GMDS: variants seen among roughly 807,000 people sequenced by gnomAD.
The protein encoded by GMDS is GDP-mannose 4,6 dehydratase.
Under a neutral mutation model 49.9 loss-of-function variants are expected in GMDS, and 20 were observed. The observed-to-expected ratio is 0.40, with a 90% CI of 0.28 to 0.58. GMDS has a LOEUF of 0.58. GMDS is among the 20% of genes least tolerant of loss of function. The pLI, the probability that GMDS is intolerant of heterozygous loss-of-function variation, is 0.42. For synonymous variants in GMDS, 177 were observed against 178.6 expected (o/e 0.99, Z 0.07); for missense variants, 362 against 481.4 (o/e 0.75, Z 2.32).
At chr6:2,016,445 G>A (rs12212324) in intron 4 of GMDS, among the ~76,000 whole-genome samples, 107,767 of 152,000 alleles carry the variant, frequency 0.71, 38,381 homozygotes, top group African/African-American at 0.75. Context: ...AGAGCTACAA[G>A]ATATATGACT....
At chr6:2,223,931 G>T (rs1780707965) in intron 1 of GMDS, among the ~76,000 whole-genome samples, 2 of 152,134 alleles carry the variant, frequency 1.3e-5, no homozygotes, top group South Asian at 4.1e-4. Context: ...AGTCAGGAAT[G>T]GTATGTTAAG....
At chr6:1,939,875 A>C (rs1762735546) in intron 6 of GMDS, among the ~76,000 whole-genome samples, 1 of 152,220 alleles carries the variant, frequency 6.6e-6, no homozygotes, top group Admixed American at 6.5e-5. Flanking sequence ...TAAAAACAAA[A>C]TGCAACCTTG....
chr6:1,632,165 C>A (rs1383507945), intron 9 of GMDS, among the ~76,000 whole-genome samples: 1 of 152,160 alleles, frequency 6.6e-6, no homozygotes, highest in African/African-American at 2.4e-5. Context: ...TTCTGCCATT[C>A]CTAGTCCAGC....
intron 7 of GMDS, among the ~76,000 whole-genome samples, chr6:1,893,939 TAAGA>T (rs1407972534): frequency 6.6e-6 from 1 of 152,112 alleles, no homozygotes; most frequent in Non-Finnish European, 1.5e-5. Flanking sequence ...CTGAGTTAGA[TAAGA>T]AAGAGCCTGG....
intron 1 of GMDS, among the ~76,000 whole-genome samples, chr6:2,141,757 C>T (rs1776299221): frequency 6.6e-6 from 1 of 152,156 alleles, no homozygotes; most frequent in Admixed American, 6.5e-5. Flanking sequence ...TGACCACAAA[C>T]GGCCGGCAGC....
chr6:2,194,516 T>C (rs1412335742), intron 1 of GMDS, among the ~76,000 whole-genome samples: 1 of 152,224 alleles, frequency 6.6e-6, no homozygotes, highest in Non-Finnish European at 1.5e-5. Flanking sequence ...TCTTTAAGCA[T>C]TTTTACCAAT....
chr6:1,672,380 G>C (rs1292018788), intron 9 of GMDS, among the ~76,000 whole-genome samples: 2 of 152,260 alleles, frequency 1.3e-5, no homozygotes, highest in African/African-American at 4.8e-5. Context: ...GGGCCTCTCT[G>C]TGTGTCTGCA....
chr6:2,029,858 T>C (rs1768839825), intron 4 of GMDS, among the ~76,000 whole-genome samples: 1 of 152,186 alleles, frequency 6.6e-6, no homozygotes, highest in Non-Finnish European at 1.5e-5. Flanking sequence ...AATATAAATT[T>C]AAATTTTGTG....
intron 9 of GMDS, among the ~76,000 whole-genome samples, chr6:1,678,253 G>A (rs1764685319): frequency 6.6e-6 from 1 of 152,108 alleles, no homozygotes; most frequent in Non-Finnish European, 1.5e-5. Context: ...AATATACCCA[G>A]AGGACTCTGT....
chr6:1,986,426 A>G (rs1392118999), intron 4 of GMDS, among the ~76,000 whole-genome samples: 7 of 152,238 alleles, frequency 4.6e-5, no homozygotes, highest in Admixed American at 2.0e-4. Flanking sequence ...AAAGACCCAG[A>G]ACTTGCATCT....
intron 4 of GMDS, among the ~76,000 whole-genome samples, chr6:2,067,087 A>G (rs1178717826): frequency 6.6e-6 from 1 of 151,546 alleles, no homozygotes; most frequent in African/African-American, 2.4e-5. Context: ...GTGCAATCAA[A>G]TTAGAACTCA....
chr6:1,677,689 C>T (rs763784519), intron 9 of GMDS, among the ~76,000 whole-genome samples: 8 of 151,128 alleles, frequency 5.3e-5, no homozygotes, highest in Non-Finnish European at 1.2e-4. Flanking sequence ...AGCAAACGAT[C>T]GCAAGGACAG....
intron 6 of GMDS, among the ~76,000 whole-genome samples, chr6:1,945,590 T>C (rs748733216): frequency 1.8e-4 from 27 of 152,124 alleles, no homozygotes; most frequent in African/African-American, 2.7e-4. Context: ...CTTGATAGAT[T>C]TGCATGACAG....
intron 6 of GMDS, among the ~76,000 whole-genome samples, chr6:1,958,591 T>C (rs1008756957): frequency 2.6e-5 from 4 of 152,218 alleles, no homozygotes; most frequent in Non-Finnish European, 4.4e-5. Flanking sequence ...CAGCCCATCA[T>C]GGGAATTTTT....
At chr6:2,083,442 T>C (rs1772832319) in intron 4 of GMDS, among the ~76,000 whole-genome samples, 1 of 152,136 alleles carries the variant, frequency 6.6e-6, no homozygotes, top group Non-Finnish European at 1.5e-5. Flanking sequence ...CCTGACTTAC[T>C]CTAATGGGTT....
At chr6:1,909,583 G>A (rs1760945422) in intron 7 of GMDS, among the ~76,000 whole-genome samples, 1 of 152,146 alleles carries the variant, frequency 6.6e-6, no homozygotes, top group South Asian at 2.1e-4. Context: ...TTTCTCCAAG[G>A]ACAATCTGTA....
intron 4 of GMDS, among the ~76,000 whole-genome samples, chr6:1,971,534 T>C (rs966619683): frequency 6.6e-6 from 1 of 152,218 alleles, no homozygotes; most frequent in African/African-American, 2.4e-5. Flanking sequence ...TAAGGTATAG[T>C]TCCACTAGAG....
intron 4 of GMDS, among the ~76,000 whole-genome samples, chr6:2,052,124 A>AAAAAAAAAAAAAAAAAAT (rs1770445350): frequency 7.1e-6 from 1 of 141,200 alleles, no homozygotes; most frequent in East Asian, 2.0e-4. Context: ...CTCAAAAAAA[A>AAAAAAAAAAAAAAAAAAT]AAAAAAGAAA....
intron 7 of GMDS, among the ~76,000 whole-genome samples, chr6:1,882,822 G>C (rs1316956039): frequency 2.0e-5 from 3 of 152,292 alleles, no homozygotes; most frequent in African/African-American, 7.2e-5. Context: ...AAAACTCATG[G>C]GTTATCCAAG....
Sources: gnomAD v4.1 joint callset for allele counts (sites outside exome capture counted in the v4.1 genomes callset) on GRCh38, gnomAD v4.1.1 for gene constraint, MANE v1.5 for transcripts, NCBI Gene and HGNC (gene_info 2026-07-23, HGNC 2026-07-21) for gene names.